Variants in SLC7A11 observed in about 807,000 individuals in gnomAD.
SLC7A11 encodes the protein solute carrier family 7 member 11.
Under a neutral mutation model 54.5 loss-of-function variants are expected in SLC7A11, and 35 were observed. That is an observed-to-expected ratio of 0.64 (90% CI 0.49 to 0.85). SLC7A11 has a LOEUF of 0.85. Among genes scored for constraint, SLC7A11 ranks in the 40% least tolerant of loss-of-function variants. The pLI, the probability that SLC7A11 is intolerant of heterozygous loss-of-function variation, is 0.00. For synonymous variants in SLC7A11, 230 were observed against 225.2 expected (o/e 1.02, Z -0.19); for missense variants, 583 against 618.1 (o/e 0.94, Z 0.60).
intron 6 of SLC7A11, among the ~76,000 whole-genome samples, chr4:138,197,175 C>T (rs1737158008): frequency 6.6e-6 from 1 of 151,986 alleles, no homozygotes; most frequent in Non-Finnish European, 1.5e-5. Context: ...GATTATATAT[C>T]CAACTATTTG....
Position 138,181,598 on chromosome 4 carries a change from C to T in SLC7A11, c.1116+699G>A, listed in dbSNP as rs557390734. On this transcript the variant is annotated intron_variant, in intron 9 of 11. Transcript: ENST00000280612. ...ATTAAATGCATGAAAAAAAAATGTT[C>T]AGTGCATTCTGTGGTGCTCCTGACA... 7.8e-4 allele frequency among the ~76,000 whole-genome samples: 119 copies of T among 152,146 alleles called. 2 individuals are homozygous for T. In the South Asian group the frequency reaches 0.015, roughly 20 times the overall value.
chr4:138,204,752 A>G (rs1737367754), intron 6 of SLC7A11, among the ~76,000 whole-genome samples: 1 of 151,932 alleles, frequency 6.6e-6, no homozygotes, highest in Admixed American at 6.6e-5. Context: ...TCTGCCAGGA[A>G]GTCATTCTGA....
At chr4:138,179,942 C>G (rs1431083842) in intron 10 of SLC7A11, among the ~76,000 whole-genome samples, 1 of 152,094 alleles carries the variant, frequency 6.6e-6, no homozygotes, top group African/African-American at 2.4e-5. Context: ...TTACTAGAAA[C>G]AAATCCTGAC....
intron 6 of SLC7A11, among the ~76,000 whole-genome samples, chr4:138,201,307 T>G (rs982302828): frequency 2.6e-5 from 4 of 152,118 alleles, no homozygotes; most frequent in Non-Finnish European, 5.9e-5. Context: ...TTCTCAATAA[T>G]ATGTATCAGT....
intron 3 of SLC7A11, among the ~76,000 whole-genome samples, chr4:138,227,759 T>G (rs1425278996): frequency 1.3e-5 from 2 of 152,218 alleles, no homozygotes; most frequent in African/African-American, 4.8e-5. Context: ...TCTTTTAAAC[T>G]CTTGATGGCT....
intron 11 of SLC7A11, among the ~76,000 whole-genome samples, 182 bp from the exon 12 acceptor site, chr4:138,172,199 C>T (rs1736443556): frequency 6.6e-6 from 1 of 152,172 alleles, no homozygotes; most frequent in Non-Finnish European, 1.5e-5. Context: ...TTTGTCACTT[C>T]TGTAACTTCC....
chr4:138,205,459 T>G (rs995090121), intron 6 of SLC7A11, among the ~76,000 whole-genome samples: 2 of 152,086 alleles, frequency 1.3e-5, no homozygotes, highest in African/African-American at 4.8e-5. Context: ...ATCAAAATGA[T>G]TTCAGTGCAT....
At chr4:138,240,519 A>G (rs1738350209) in intron 1 of SLC7A11, among the ~76,000 whole-genome samples, 1 of 149,774 alleles carries the variant, frequency 6.7e-6, no homozygotes. Flanking sequence ...GTGAGCCGAG[A>G]TCACACCACT....
At position 138,241,946 on chromosome 4, in the gene SLC7A11, T is replaced by C; in HGVS notation, c.124A>G (p.Arg42Gly). The C allele has an allele frequency of 6.2e-7, 1 of 1,614,150 alleles. No individual in the cohort carries two copies. The highest frequency in any genetic ancestry group is 1.1e-5 in the South Asian group (1 of 91,084). Residue 42 changes from arginine (R) to glycine (G), a missense_variant, in exon 1 of 12, where the codon AGG becomes GGG. Coordinates refer to ENST00000280612, the MANE Select transcript of SLC7A11 (RefSeq NM_014331.4). ...ACTCCCCTCAGTAAAGTGACTTTCC[T>C]CTTCAGCTGCACTTTCTCCTGCCCA... ...PPGQEKVQLK[R>G]KVTLLRGVSI...
intron 9 of SLC7A11, 120 bp downstream of exon 9, chr4:138,182,177 C>T: frequency 1.6e-6 from 1 of 623,798 alleles, no homozygotes; most frequent in Non-Finnish European, 2.9e-6. Flanking sequence ...CCAAACTCCA[C>T]CATGACATAC....
intron 3 of SLC7A11, among the ~76,000 whole-genome samples, chr4:138,223,603 G>C (rs938043924): frequency 6.6e-6 from 1 of 152,172 alleles, no homozygotes; most frequent in South Asian, 2.1e-4. Context: ...GTATGTAAGA[G>C]TGGACATATA....
chr4:138,219,021 G>GT lies in SLC7A11; in HGVS notation c.746+244dup, dbSNP rs148000632. Among the ~76,000 whole-genome samples, 517 of 152,138 alleles carry GT rather than the reference G, an allele frequency of 3.4e-3. 3 individuals carry two copies. The highest frequency in any genetic ancestry group is 0.012 in the African/African-American group (489 of 41,510). On this transcript the variant is annotated intron_variant, in intron 5 of 11. Coordinates refer to ENST00000280612, the MANE Select transcript of SLC7A11 (RefSeq NM_014331.4). ...GGATCTTAAGACCCAGCATTTGTTT[G>GT]TTTTTTATGACATCAGGCTAAATCT...
intron 3 of SLC7A11, among the ~76,000 whole-genome samples, chr4:138,231,364 A>T (rs566434483): frequency 3.3e-5 from 5 of 152,280 alleles, no homozygotes; most frequent in South Asian, 4.1e-4. Context: ...TAAATAAATG[A>T]ATTACAGGCA....
At chr4:138,216,856 G>C (rs896847494) in intron 5 of SLC7A11, among the ~76,000 whole-genome samples, 5 of 152,154 alleles carry the variant, frequency 3.3e-5, no homozygotes, top group African/African-American at 1.2e-4. Context: ...AGGGAGTGGA[G>C]AATCATTTAC....
chr4:138,235,602 C>T (rs545552693), intron 2 of SLC7A11, among the ~76,000 whole-genome samples: 2 of 152,170 alleles, frequency 1.3e-5, no homozygotes, highest in Non-Finnish European at 1.5e-5. Context: ...CACATTTTAT[C>T]AAAGTAGTTA....
At chr4:138,211,915 T>C (rs181999683) in intron 6 of SLC7A11, among the ~76,000 whole-genome samples, 3 of 152,080 alleles carry the variant, frequency 2.0e-5, no homozygotes, top group Admixed American at 6.6e-5. Flanking sequence ...AAGTTGGTTA[T>C]TGAAAACAAA....
intron 3 of SLC7A11, among the ~76,000 whole-genome samples, chr4:138,228,653 G>A (rs1057074167): frequency 1.3e-5 from 2 of 150,690 alleles, no homozygotes; most frequent in Non-Finnish European, 2.9e-5. Flanking sequence ...CAGCTACTCT[G>A]GAGGCTGAGG....
At chr4:138,197,822 T>C (rs938533084) in intron 6 of SLC7A11, among the ~76,000 whole-genome samples, 27 of 151,748 alleles carry the variant, frequency 1.8e-4, no homozygotes, top group Non-Finnish European at 3.2e-4. Context: ...TAGTAATTGG[T>C]TGATATATCT....
chr4:138,228,861 C>T (rs1046616502), intron 3 of SLC7A11, among the ~76,000 whole-genome samples: 8 of 151,542 alleles, frequency 5.3e-5, no homozygotes, highest in Non-Finnish European at 8.8e-5. Context: ...ATCTTAACTT[C>T]CACGCACCTG....
Sources: allele counts gnomAD v4.1 joint callset (sites outside exome capture counted in the v4.1 genomes callset), GRCh38; gene constraint gnomAD v4.1.1; transcripts MANE v1.5; gene names NCBI Gene and HGNC (gene_info 2026-07-23, HGNC 2026-07-21).